Variants in ABCB1 observed in about 807,000 individuals in gnomAD.
ABCB1 encodes the protein ATP-dependent translocase ABCB1.
A neutral mutation model predicts 142.0 loss-of-function variants in ABCB1; 69 were observed. That is an observed-to-expected ratio of 0.49 (90% CI 0.40 to 0.59). The LOEUF (loss-of-function observed/expected upper bound fraction) is 0.59, where lower values mean the gene tolerates loss of function less well. ABCB1 is among the 20% of genes least tolerant of loss of function. The pLI is 0.00. For synonymous variants in ABCB1, 532 were observed against 539.2 expected (o/e 0.99, Z 0.18); for missense variants, 1,326 against 1,554.7 (o/e 0.85, Z 2.47).
intron 18 of ABCB1, among the ~76,000 whole-genome samples, chr7:87,541,151 G>A (rs1816515239): frequency 6.6e-6 from 1 of 152,144 alleles, no homozygotes; most frequent in African/African-American, 2.4e-5. Context: ...TTCATTGCGG[G>A]AGGTAAGGGT....
intron 1 of ABCB1, among the ~76,000 whole-genome samples, chr7:87,618,168 C>A (rs755780523): frequency 1.3e-5 from 2 of 152,128 alleles, no homozygotes; most frequent in Non-Finnish European, 1.5e-5. Context: ...AATAGTGCCT[C>A]CTGGAGTCCT....
chr7:87,547,432 A>G (rs1816831663), intron 14 of ABCB1, among the ~76,000 whole-genome samples: 1 of 152,202 alleles, frequency 6.6e-6, no homozygotes, highest in African/African-American at 2.4e-5. Flanking sequence ...TAATAAGGAA[A>G]CACAGATAAG....
chr7:87,607,695 G>A (rs976634500), intron 1 of ABCB1, among the ~76,000 whole-genome samples: 1 of 151,888 alleles, frequency 6.6e-6, no homozygotes, highest in Non-Finnish European at 1.5e-5. Context: ...GGGACCAAAG[G>A]TGTGCGCCAC....
intron 1 of ABCB1, among the ~76,000 whole-genome samples, chr7:87,636,476 G>A (rs759583888): frequency 2.0e-5 from 3 of 152,042 alleles, no homozygotes; most frequent in Non-Finnish European, 4.4e-5. Context: ...GGAATCTTTT[G>A]TTGGATACAT....
intron 13 of ABCB1, 58 bp downstream of exon 13, chr7:87,549,793 G>A (rs1229084791): frequency 1.3e-6 from 2 of 1,565,002 alleles, no homozygotes; most frequent in Non-Finnish European, 8.8e-7. Context: ...TTCCTGCATA[G>A]TAGGCCTGCA....
intron 4 of ABCB1, among the ~76,000 whole-genome samples, chr7:87,571,457 C>G (rs10256836): frequency 0.76 from 115,560 of 152,094 alleles, 44,441 homozygotes; most frequent in African/African-American, 0.89. Flanking sequence ...TAAGGGACTT[C>G]AGCTACTATA....
At chr7:87,615,318 A>G (rs1768951389) in intron 1 of ABCB1, among the ~76,000 whole-genome samples, 1 of 152,188 alleles carries the variant, frequency 6.6e-6, no homozygotes, top group South Asian at 2.1e-4. Context: ...TGTTTAGTCC[A>G]CTGAGAGTTA....
chr7:87,567,980 A>T (rs1450861490), intron 5 of ABCB1, among the ~76,000 whole-genome samples: 6 of 151,956 alleles, frequency 3.9e-5, no homozygotes, highest in Non-Finnish European at 8.8e-5. Flanking sequence ...CTGTAGTCCC[A>T]GCTACTTGGT....
At chr7:87,697,911 T>C (rs1828638568) in intron 1 of ABCB1, among the ~76,000 whole-genome samples, 1 of 152,110 alleles carries the variant, frequency 6.6e-6, no homozygotes, top group Admixed American at 6.5e-5. Flanking sequence ...GTCACCCTGC[T>C]TCCCCTCCAA....
chr7:87,708,268 A>G (rs140572544), intron 1 of ABCB1, among the ~76,000 whole-genome samples: 29 of 152,266 alleles, frequency 1.9e-4, no homozygotes, highest in African/African-American at 7.0e-4. Context: ...GAAGATCAAA[A>G]GATAATATAA....
chr7:87,678,709 T>C (rs1377107671), intron 1 of ABCB1, among the ~76,000 whole-genome samples: 1 of 152,052 alleles, frequency 6.6e-6, no homozygotes, highest in African/African-American at 2.4e-5. Flanking sequence ...ATTATAGTGA[T>C]AAAGATAGGT....
Position 87,544,306 on chromosome 7 carries a change from G to C in ABCB1, c.2065-31C>G, listed in dbSNP as rs59714981. 1.6e-4 allele frequency: 259 copies of C among 1,609,578 alleles called. 2 individuals carry two copies. The South Asian group carries it at 2.2e-3, about 14-fold the overall frequency. The stretch of plus-strand genomic sequence containing the variant: ...AAACACAAATTATTACAACAGGCTA[G>C]TTAAAAACTTTTATATGTACAATTC... On this transcript the variant is annotated intron_variant, in intron 16 of 27. Coordinates refer to ENST00000622132, the MANE Select transcript of ABCB1 (RefSeq NM_001348946.2).
chr7:87,706,340 G>A (rs1829584032), intron 1 of ABCB1, among the ~76,000 whole-genome samples: 1 of 152,138 alleles, frequency 6.6e-6, no homozygotes, highest in South Asian at 2.1e-4. Context: ...TATAAGATCA[G>A]CTTGGTGCTG....
chr7:87,600,301 C>T, intron 1 of ABCB1, 111 bp from the exon 2 acceptor site: 1 of 856,898 alleles, frequency 1.2e-6, no homozygotes, highest in Admixed American at 2.0e-5. Flanking sequence ...AGGGAGCGCC[C>T]GCCGTTGATG....
At chr7:87,590,644 C>T (rs1054471627) in intron 3 of ABCB1, among the ~76,000 whole-genome samples, 2 of 152,070 alleles carry the variant, frequency 1.3e-5, no homozygotes, top group Non-Finnish European at 2.9e-5. Flanking sequence ...TTGCTGTATC[C>T]CAAGGACCAA....
rs2117130373 is a variant in ABCB1, at chr7:87,531,374, C to T, written c.2605G>A (p.Ala869Thr). Residue 869 changes from alanine (A) to threonine (T), a missense_variant, in exon 21 of 28, where the codon GCA becomes ACA. Transcript: ENST00000622132. ...TTCATTTCAACAACTCCTGCTATTG[C>T]AATGATGGGTACAATTGCTAAGAGT... ...LLLLAIVPIIAIAGVVEMKML... is the reference protein window; with the variant it reads ...LLLLAIVPIITIAGVVEMKML... 6.2e-7 allele frequency: 1 copy of T among 1,613,472 alleles called. No homozygotes were observed.
At chr7:87,594,541 C>T (rs1466077704) in intron 3 of ABCB1, among the ~76,000 whole-genome samples, 1 of 152,154 alleles carries the variant, frequency 6.6e-6, no homozygotes, top group Non-Finnish European at 1.5e-5. Context: ...CTGAAAGTCT[C>T]AAAGTGACAG....
intron 7 of ABCB1, chr7:87,563,372 G>A (rs2129791407): frequency 2.2e-6 from 1 of 455,042 alleles, no homozygotes; most frequent in South Asian, 1.6e-5. Flanking sequence ...AAAAAACTTT[G>A]GGCCAGTATC....
At chr7:87,640,700 G>C (rs898518813) in intron 1 of ABCB1, among the ~76,000 whole-genome samples, 3 of 151,980 alleles carry the variant, frequency 2.0e-5, no homozygotes, top group African/African-American at 7.3e-5. Flanking sequence ...GGCCTCACTT[G>C]ATTCATATTC....
Sources: allele counts gnomAD v4.1 joint callset (sites outside exome capture counted in the v4.1 genomes callset), GRCh38; gene constraint gnomAD v4.1.1; transcripts MANE v1.5; gene names NCBI Gene and HGNC (gene_info 2026-07-23, HGNC 2026-07-21).